L3MBTL4: variants seen among roughly 807,000 people sequenced by gnomAD.
L3MBTL4 encodes L3MBTL histone methyl-lysine binding protein 4.
A neutral mutation model predicts 84.5 loss-of-function variants in L3MBTL4; 70 were observed. The ratio of observed to expected loss-of-function variants is 0.83; its 90% CI spans 0.68 to 1.01. The LOEUF is 1.01. Ranked by LOEUF, L3MBTL4 falls within the 50% of genes least tolerant of loss-of-function variation. L3MBTL4 has a pLI of 0.00. For synonymous variants in L3MBTL4, 274 were observed against 259.8 expected, an observed-to-expected ratio of 1.05 and a Z score of -0.52; for missense variants, 715 against 754.8, an observed-to-expected ratio of 0.95 and a Z score of 0.62.
chr18:6,070,667 C>CA (rs111374684), intron 16 of L3MBTL4, among the ~76,000 whole-genome samples: 27 of 151,340 alleles, frequency 1.8e-4, no homozygotes, highest in African/African-American at 6.5e-4. Context: ...AAACAAAAAA[C>CA]AAAAAACAAA....
chr18:5,994,426 A>T (rs962038133), intron 16 of L3MBTL4, among the ~76,000 whole-genome samples: 2 of 152,186 alleles, frequency 1.3e-5, no homozygotes, highest in African/African-American at 2.4e-5. Flanking sequence ...AGATGCTCAC[A>T]TGGCACTTAC....
chr18:6,133,703 A>G (rs977389037), intron 14 of L3MBTL4, among the ~76,000 whole-genome samples: 2 of 152,176 alleles, frequency 1.3e-5, no homozygotes, highest in Non-Finnish European at 2.9e-5. Context: ...TGGTTGTTCG[A>G]CTGTCTCTCT....
chr18:6,134,111 T>C (rs1207536907), intron 14 of L3MBTL4, among the ~76,000 whole-genome samples: 1 of 152,018 alleles, frequency 6.6e-6, no homozygotes, highest in Admixed American at 6.6e-5. Context: ...ACTTCTTACA[T>C]GGTGGGAGCA....
At chr18:6,032,275 C>A in intron 16 of L3MBTL4, 1 of 941,398 alleles carries the variant, frequency 1.1e-6, no homozygotes, top group Non-Finnish European at 1.2e-6. Context: ...CCGCACTCGG[C>A]CTTAAATTAA....
chr18:6,145,590 T>TA (rs199558524), intron 13 of L3MBTL4, among the ~76,000 whole-genome samples: 2,226 of 152,090 alleles, frequency 0.015, 57 homozygotes, highest in African/African-American at 0.05. Context: ...TAGCAAGTTT[T>TA]TTTTTTTTTT....
At chr18:6,052,157 C>G (rs2056864779) in intron 16 of L3MBTL4, among the ~76,000 whole-genome samples, 1 of 152,164 alleles carries the variant, frequency 6.6e-6, no homozygotes, top group Non-Finnish European at 1.5e-5. Flanking sequence ...TTAGTAATGA[C>G]TAAAAATTTC....
intron 16 of L3MBTL4, among the ~76,000 whole-genome samples, chr18:6,010,132 GT>G (rs139451793): frequency 0.04 from 5,918 of 146,808 alleles, 361 homozygotes; most frequent in Admixed American, 0.17. Flanking sequence ...GGTGCGAAGT[GT>G]TTTTTTTTTA....
At position 6,164,812 on chromosome 18, in the gene L3MBTL4, C is replaced by T. The variant is rs58829588; in HGVS notation, c.1096+7016G>A. Among the ~76,000 whole-genome samples the T allele has an allele frequency of 3.4e-3, 512 of 152,278 alleles. 2 individuals are homozygous for T. The highest frequency in any genetic ancestry group is 0.011 in the African/African-American group (450 of 41,550). On this transcript the variant is annotated intron_variant, in intron 13 of 18. Transcript: ENST00000317931. ...AAGGAACGCAGCTCCTCACCAGCAA[C>T]GGAACAAAGCTGGACAGAGAATGAC...
chr18:6,100,679 T>A (rs1290484578), intron 14 of L3MBTL4, among the ~76,000 whole-genome samples: 2 of 152,242 alleles, frequency 1.3e-5, no homozygotes, highest in African/African-American at 4.8e-5. Context: ...AGTTGCCATG[T>A]GGAGGTAAAC....
chr18:6,163,596 T>C (rs1291723905), intron 13 of L3MBTL4, among the ~76,000 whole-genome samples: 2 of 152,156 alleles, frequency 1.3e-5, no homozygotes, highest in Non-Finnish European at 1.5e-5. Flanking sequence ...CCCCAAATTC[T>C]AGGGACTGTA....
intron 16 of L3MBTL4, among the ~76,000 whole-genome samples, chr18:6,056,100 A>C (rs763011442): frequency 1.3e-5 from 2 of 152,040 alleles, no homozygotes; most frequent in Non-Finnish European, 2.9e-5. Flanking sequence ...ATATTTCATT[A>C]AACTAAAAGG....
chr18:6,076,891 C>T (rs1329992642), intron 16 of L3MBTL4, among the ~76,000 whole-genome samples: 3 of 152,166 alleles, frequency 2.0e-5, no homozygotes, highest in African/African-American at 7.2e-5. Context: ...ACAGGTGGTG[C>T]AATGCAGTGG....
intron 4 of L3MBTL4, among the ~76,000 whole-genome samples, chr18:6,300,713 T>A (rs2050302968): frequency 6.6e-6 from 1 of 152,190 alleles, no homozygotes; most frequent in Non-Finnish European, 1.5e-5. Context: ...TAAAACAATT[T>A]ACATTAGTGT....
intron 7 of L3MBTL4, 110 bp from the exon 8 acceptor site, chr18:6,241,559 G>GA (rs899214510): frequency 9.4e-5 from 53 of 561,388 alleles, no homozygotes; most frequent in South Asian, 1.9e-4. Flanking sequence ...ACTTTTAATG[G>GA]AAAAAAAACG....
intron 12 of L3MBTL4, among the ~76,000 whole-genome samples, chr18:6,178,656 A>G (rs1031583081): frequency 7.9e-5 from 12 of 152,232 alleles, no homozygotes; most frequent in African/African-American, 2.9e-4. Flanking sequence ...CCACTGTCTC[A>G]AGTTCTTATC....
At chr18:6,278,961 A>G (rs1489397323) in intron 4 of L3MBTL4, among the ~76,000 whole-genome samples, 2 of 152,154 alleles carry the variant, frequency 1.3e-5, no homozygotes, top group African/African-American at 4.8e-5. Flanking sequence ...TCTGGCCTAC[A>G]AGAATGGGTA....
At position 6,250,849 on chromosome 18, in the gene L3MBTL4, G is replaced by A. The variant is rs1405245438; in HGVS notation, c.220-6261C>T. On this transcript the variant is annotated intron_variant, in intron 5 of 18. Transcript: ENST00000317931. ...AAAGGCCTTTGCCATGAATTCAGCA[G>A]CCTGCTCAAATGGTTTATCTCAGCA... Among the ~76,000 whole-genome samples the A allele has an allele frequency of 4.6e-5, 7 of 152,302 alleles. No homozygotes were observed. In the East Asian group the frequency reaches 1.3e-3, roughly 29 times the overall value.
At chr18:6,188,402 G>A (rs898432750) in intron 12 of L3MBTL4, among the ~76,000 whole-genome samples, 2 of 151,724 alleles carry the variant, frequency 1.3e-5, no homozygotes, top group African/African-American at 4.8e-5. Flanking sequence ...TTAGGATGTT[G>A]AACTTCAGAA....
intron 12 of L3MBTL4, 50 bp downstream of exon 12, chr18:6,213,094 AAAAGT>A: frequency 2.0e-6 from 2 of 1,012,710 alleles, no homozygotes; most frequent in Non-Finnish European, 2.9e-6. Context: ...TAGAGGAAAC[AAAAGT>A]AATGTAGGAA....
Sources: allele counts gnomAD v4.1 joint callset (sites outside exome capture counted in the v4.1 genomes callset), GRCh38; gene constraint gnomAD v4.1.1; transcripts MANE v1.5; gene names NCBI Gene and HGNC (gene_info 2026-07-23, HGNC 2026-07-21).